The following ITGA11 variants were observed in gnomAD, a reference collection of about 807,000 sequenced individuals.
ITGA11 encodes the protein integrin subunit alpha 11, also known as integrin alpha-11.
ITGA11 carries 97 observed loss-of-function variants against 141.9 expected under a neutral mutation model. The ratio of observed to expected loss-of-function variants is 0.68; its 90% confidence interval spans 0.58 to 0.81. ITGA11 has a LOEUF of 0.81. Ranked by LOEUF, ITGA11 falls within the 30% of genes least tolerant of loss-of-function variation. The pLI is 0.00. For synonymous variants in ITGA11, 658 were observed against 624.6 expected, an observed-to-expected ratio of 1.05 and a Z score of -0.80; for missense variants, 1,387 against 1,559.2, an observed-to-expected ratio of 0.89 and a Z score of 1.86.
chr15:68,402,250 A>G (rs1345321019), intron 2 of ITGA11, among the ~76,000 whole-genome samples: 1 of 152,124 alleles, frequency 6.6e-6, no homozygotes, highest in African/African-American at 2.4e-5. Context: ...GAGGAGGATG[A>G]CTAACCGTAA....
At chr15:68,363,975 C>A (rs1477523661) in intron 4 of ITGA11, among the ~76,000 whole-genome samples, 1 of 152,232 alleles carries the variant, frequency 6.6e-6, no homozygotes, top group Non-Finnish European at 1.5e-5. Flanking sequence ...ACAGTGTAAG[C>A]TCCAGCAGGA....
intron 7 of ITGA11, among the ~76,000 whole-genome samples, chr15:68,356,077 T>C (rs2140339700): frequency 6.7e-6 from 1 of 150,258 alleles, no homozygotes; most frequent in South Asian, 2.1e-4. Flanking sequence ...TCTGGATGAG[T>C]GAGTTCTGGT....
intron 5 of ITGA11, among the ~76,000 whole-genome samples, chr15:68,359,577 C>A (rs1455556560): frequency 6.6e-6 from 1 of 152,090 alleles, no homozygotes; most frequent in Non-Finnish European, 1.5e-5. Context: ...ACCCAGGAGG[C>A]AGAGGTTGCA....
intron 7 of ITGA11, 103 bp from the exon 8 acceptor site, chr15:68,351,505 T>C: frequency 7.5e-7 from 1 of 1,324,828 alleles, no homozygotes; most frequent in Non-Finnish European, 1.0e-6. Flanking sequence ...GACCAAGTCC[T>C]CCTTGGGCAA....
At chr15:68,347,647 C>G (rs922021149) in intron 10 of ITGA11, among the ~76,000 whole-genome samples, 3 of 152,178 alleles carry the variant, frequency 2.0e-5, no homozygotes, top group Admixed American at 2.0e-4. Flanking sequence ...GAGATTCCCT[C>G]TCACGGAGCA....
chr15:68,311,551 T>C (rs1893386311), intron 24 of ITGA11, 148 bp from the exon 25 acceptor site: 2 of 621,994 alleles, frequency 3.2e-6, no homozygotes, highest in East Asian at 2.8e-5. Flanking sequence ...GTTTTCACCA[T>C]GGAAGCTCCT....
intron 6 of ITGA11, 80 bp from the exon 7 acceptor site, chr15:68,357,379 C>T (rs915955359): frequency 1.7e-5 from 25 of 1,513,716 alleles, no homozygotes; most frequent in Admixed American, 1.2e-4. Flanking sequence ...TGAGGATCCC[C>T]GGGAGTTGTC....
chr15:68,332,267 G>C (rs1438838114), intron 13 of ITGA11, 71 bp downstream of exon 13: 1 of 1,514,912 alleles, frequency 6.6e-7, no homozygotes, highest in African/African-American at 1.4e-5. Flanking sequence ...ACGCATTTCC[G>C]TCGTGGCTAC....
intron 1 of ITGA11, among the ~76,000 whole-genome samples, chr15:68,406,762 T>A (rs910125877): frequency 6.6e-5 from 10 of 152,136 alleles, no homozygotes; most frequent in African/African-American, 2.4e-4. Flanking sequence ...ACCAGGATCT[T>A]CATTTGTCTG....
At position 68,335,750 on chromosome 15, in the gene ITGA11, T is replaced by C; in HGVS notation, c.1372A>G (p.Thr458Ala). ...FNHTGKVILF[T>A]MHNNRSLTIH... is the part of the protein sequence containing the mutation. ...GTGAGGCTCCGGTTGTTGTGCATGG[T>C]GAACAGGATGACCTTGCCCGTGTGG... The change falls in exon 12 of 30, where the codon ACC becomes GCC. Residue 458 changes from threonine (T) to alanine (A), a missense_variant. Transcript: ENST00000315757. This position sits in a 1 kb window ranked among gnomAD's most constrained non-coding sequence, Gnocchi z 4.9. The C allele has an allele frequency of 6.2e-7, 1 of 1,613,858 alleles. No individual in the cohort carries two copies. The highest frequency in any genetic ancestry group is 8.5e-7 in the Non-Finnish European group (1 of 1,179,844).
intron 2 of ITGA11, among the ~76,000 whole-genome samples, chr15:68,380,728 C>T (rs751683426): frequency 6.6e-6 from 1 of 152,186 alleles, no homozygotes; most frequent in African/African-American, 2.4e-5. Flanking sequence ...TTCTATGCTG[C>T]CTTCCATGAT....
At chr15:68,309,278 C>G (rs887542030) in intron 26 of ITGA11, among the ~76,000 whole-genome samples, 2 of 152,064 alleles carry the variant, frequency 1.3e-5, no homozygotes, top group African/African-American at 4.8e-5. Context: ...TCTGGAGGGC[C>G]AAAGAATGAG....
intron 2 of ITGA11, among the ~76,000 whole-genome samples, chr15:68,399,636 A>G (rs890370567): frequency 2.0e-5 from 3 of 152,154 alleles, no homozygotes; most frequent in African/African-American, 7.2e-5. Context: ...CATGAAAAAG[A>G]AAGAAATCAT....
In ITGA11 at chr15:68,330,961, G is replaced by A. The variant is rs1343701149; in HGVS notation, c.1901+20C>T. On this transcript the variant is annotated intron_variant, in intron 15 of 29. Transcript: ENST00000315757. ...GACTTTCAGGAGAGCCCAGGAGGTG[G>A]GAACAGCGGGGGAACCAACCACAGA... is the stretch of plus-strand genomic sequence containing the variant. 6.2e-7 allele frequency: 1 copy of A among 1,613,564 alleles called. No individual in the cohort carries two copies. The highest frequency in any genetic ancestry group is 1.1e-5 in the South Asian group (1 of 91,024).
In ITGA11 at chr15:68,317,332, T is replaced by C. The variant is rs577127735; in HGVS notation, c.2648A>G (p.Asn883Ser). ...TTGCTTCTGGAGCCTCCTCTCCTCG[T>C]TCACACACTCAATGCTACCGTCTGA... ...EDSDGSIECV[N>S]EERRLQKQVC... Residue 883 changes from asparagine to serine, a missense_variant, in exon 21 of 30, where the codon AAC becomes AGC. By Grantham distance (46) the Asn-to-Ser change is conservative. Coordinates refer to ENST00000315757, the MANE Select transcript of ITGA11 (RefSeq NM_001004439.2). The C allele has an allele frequency of 5.0e-6, 8 of 1,613,734 alleles. No homozygotes were observed. The East Asian group carries it at 1.6e-4, about 31-fold the overall frequency.
chr15:68,375,646 G>C (rs1020610835), intron 2 of ITGA11, among the ~76,000 whole-genome samples: 2 of 152,234 alleles, frequency 1.3e-5, no homozygotes. Context: ...CCTCGTGGGG[G>C]CTAGGGAAAC....
intron 1 of ITGA11, 25 bp downstream of exon 1, chr15:68,431,990 G>T: frequency 1.5e-6 from 2 of 1,298,404 alleles, no homozygotes; most frequent in Non-Finnish European, 2.0e-6. Flanking sequence ...CGAGAGGCAA[G>T]GGGAGGCAGA....
intron 2 of ITGA11, among the ~76,000 whole-genome samples, chr15:68,384,982 C>G (rs1409154175): frequency 6.6e-6 from 1 of 152,230 alleles, no homozygotes. Flanking sequence ...AAAACCTGTC[C>G]CTGGACACCA....
chr15:68,296,565 A>G lies in ITGA11; in HGVS notation c.*6494T>C, dbSNP rs1892915126. 1.3e-5 allele frequency: 2 copies of G among 152,188 alleles called. No individual in the cohort carries two copies. 9.4% of individuals were successfully genotyped at this position (152,188 alleles called of 1,614,324 possible). A position where few individuals can be genotyped will look rare whatever the true frequency, so the allele number is the denominator to read the frequency against. On this transcript the variant is annotated 3_prime_UTR_variant, in exon 30 of 30. Coordinates refer to ENST00000315757, the MANE Select transcript of ITGA11 (RefSeq NM_001004439.2). ...TTTGTATGCCTTTATTATGAGTAAC[A>G]TTGAACACTTTCATATATTTATTGA...
Sources: allele counts gnomAD v4.1 joint callset (sites outside exome capture counted in the v4.1 genomes callset), GRCh38; gene constraint gnomAD v4.1.1; non-coding constraint Gnocchi (gnomAD v3.1); transcripts MANE v1.5; gene names NCBI Gene and HGNC (gene_info 2026-07-23, HGNC 2026-07-21).